The following FBN2 variants were observed in gnomAD, a reference collection of about 807,000 sequenced individuals.
The protein encoded by FBN2 is fibrillin-2.
FBN2 carries 105 observed loss-of-function variants against 355.6 expected under a neutral mutation model. The observed-to-expected ratio is 0.30, with a 90% confidence interval of 0.25 to 0.35. The LOEUF (loss-of-function observed/expected upper bound fraction) is 0.35, where lower values mean the gene tolerates loss of function less well. Among genes scored for constraint, FBN2 ranks in the 10% least tolerant of loss-of-function variants. The pLI is 1.00. For synonymous variants in FBN2, 1,350 were observed against 1,301.2 expected, an observed-to-expected ratio of 1.04 and a Z score of -0.81; for missense variants, 3,280 against 3,758.7, an observed-to-expected ratio of 0.87 and a Z score of 3.33.
intron 15 of FBN2, among the ~76,000 whole-genome samples, chr5:128,373,450 T>C (rs1315835977): frequency 2.0e-5 from 3 of 152,202 alleles, no homozygotes; most frequent in African/African-American, 7.2e-5. Context: ...GAACAGATTA[T>C]TTCCATCTGC....
At chr5:128,403,768 A>T (rs965046890) in intron 8 of FBN2, among the ~76,000 whole-genome samples, 1 of 151,986 alleles carries the variant, frequency 6.6e-6, no homozygotes, top group African/African-American at 2.4e-5. Context: ...TCCTGGATAT[A>T]TAAAAAGATG....
chr5:128,325,790 TTCTC>T (rs1750528396), intron 34 of FBN2, among the ~76,000 whole-genome samples: 1 of 152,132 alleles, frequency 6.6e-6, no homozygotes, highest in South Asian at 2.1e-4. Context: ...CTCAGGCCCT[TTCTC>T]TATGCTAGCA....
At chr5:128,287,828 G>A (rs1363260740) in intron 53 of FBN2, among the ~76,000 whole-genome samples, 1 of 152,130 alleles carries the variant, frequency 6.6e-6, no homozygotes, top group Non-Finnish European at 1.5e-5. Context: ...GAATCTTAGG[G>A]CAACCAAGTC....
rs146716752 is a variant in FBN2 at position 128,327,220 on chromosome 5, C to T, written c.4471+1476G>A. ...AATCTTGTGGGTCAACGTAGAAGCA[C>T]GAACGCTTTCAGTTTCCAACTTCAT... On this transcript the variant is annotated intron_variant, in intron 34 of 64. Coordinates refer to ENST00000262464, the MANE Select transcript of FBN2 (RefSeq NM_001999.4). Among the ~76,000 whole-genome samples the T allele has an allele frequency of 4.9e-4, 75 of 152,332 alleles. No individual in the cohort carries two copies. The East Asian group carries it at 0.014, about 28-fold the overall frequency.
chr5:128,326,580 T>G (rs930276378), intron 34 of FBN2, among the ~76,000 whole-genome samples: 3 of 152,214 alleles, frequency 2.0e-5, no homozygotes, highest in African/African-American at 7.2e-5. Flanking sequence ...CGGAGGATCA[T>G]GTATTTATAA....
chr5:128,336,672 G>A (rs1359184901), intron 27 of FBN2, among the ~76,000 whole-genome samples: 2 of 152,188 alleles, frequency 1.3e-5, no homozygotes, highest in Non-Finnish European at 2.9e-5. Flanking sequence ...ACTGTGTTAT[G>A]TTTTGTGTGT....
intron 14 of FBN2, 44 bp from the exon 15 acceptor site, chr5:128,374,794 T>C (rs760670512): frequency 6.8e-6 from 11 of 1,611,654 alleles, no homozygotes; most frequent in Non-Finnish European, 8.5e-6. Context: ...TGGGTAAATT[T>C]AACGTTATTA....
At chr5:128,537,228 G>C in intron 1 of FBN2, 122 bp downstream of exon 1, 4 of 1,459,106 alleles carry the variant, frequency 2.7e-6, no homozygotes, top group Non-Finnish European at 3.6e-6. Context: ...CTGGCAAAGG[G>C]GGCTGCAGCT....
At chr5:128,491,356 C>T (rs934404331) in intron 5 of FBN2, among the ~76,000 whole-genome samples, 2 of 152,154 alleles carry the variant, frequency 1.3e-5, no homozygotes, top group South Asian at 4.1e-4. Flanking sequence ...AAACTTTTCT[C>T]CAGGCAGTGA....
At chr5:128,281,849 C>G (rs924478835) in intron 55 of FBN2, among the ~76,000 whole-genome samples, 2 of 152,056 alleles carry the variant, frequency 1.3e-5, no homozygotes, top group Non-Finnish European at 2.9e-5. Context: ...CCACGCCCAG[C>G]TAATTTTTTT....
chr5:128,280,697 G>A (rs1046463702), intron 55 of FBN2, among the ~76,000 whole-genome samples: 2 of 152,044 alleles, frequency 1.3e-5, no homozygotes, highest in African/African-American at 4.8e-5. Context: ...GAGGGATGGT[G>A]GGTGTTGGGT....
chr5:128,466,191 T>G (rs1042642853), intron 5 of FBN2, among the ~76,000 whole-genome samples: 2 of 152,240 alleles, frequency 1.3e-5, no homozygotes, highest in South Asian at 2.1e-4. Context: ...TCAATTATTC[T>G]CATTTGCTAT....
intron 5 of FBN2, 144 bp from the exon 6 acceptor site, chr5:128,465,065 T>C: frequency 1.2e-6 from 1 of 825,736 alleles, no homozygotes; most frequent in Middle Eastern, 2.5e-4. Context: ...ATGTTAAAAA[T>C]TCATAATTTT....
At chr5:128,302,901 GT>G in intron 46 of FBN2, 71 bp downstream of exon 46, 3 of 907,770 alleles carry the variant, frequency 3.3e-6, no homozygotes, top group Non-Finnish European at 5.5e-6. Flanking sequence ...TTGTTCTTTA[GT>G]TTTGTTTTTT....
chr5:128,392,023 C>A lies in FBN2; in HGVS notation c.1598G>T (p.Cys533Phe). Residue 533 changes from cysteine (C) to phenylalanine (F), a missense_variant, in exon 11 of 65, where the codon TGT (cysteine) becomes TTT (phenylalanine). Around this residue, in one of 6 missense-constraint regions of FBN2, gnomAD observed 2,284 missense variants for 2,749.5 expected, o/e 0.83. Transcript: ENST00000262464. ...MGYKQDANGD[C>F]IDVDECTSNP... ...TTAAAGAATCACAAACTTACCTATA[C>A]AATCTCCATTTGCATCCTGCTTATA... 6.2e-7 allele frequency: 1 copy of A among 1,613,622 alleles called. No homozygotes were observed. Among genetic ancestry groups the A allele is most frequent in the Non-Finnish European group, 8.5e-7 (1 of 1,179,644 alleles).
At chr5:128,535,237 G>C (rs558181106) in intron 2 of FBN2, among the ~76,000 whole-genome samples, 3 of 152,310 alleles carry the variant, frequency 2.0e-5, no homozygotes, top group South Asian at 2.1e-4. Flanking sequence ...GAAAAAATAA[G>C]AAGAAATTAG....
At chr5:128,490,163 G>GA (rs1225596081) in intron 5 of FBN2, among the ~76,000 whole-genome samples, 1 of 152,030 alleles carries the variant, frequency 6.6e-6, no homozygotes, top group Non-Finnish European at 1.5e-5. Flanking sequence ...CTTATAATCA[G>GA]AAAAAACATA....
At chr5:128,503,734 A>G (rs1219942871) in intron 5 of FBN2, among the ~76,000 whole-genome samples, 2 of 152,194 alleles carry the variant, frequency 1.3e-5, no homozygotes, top group Non-Finnish European at 2.9e-5. Flanking sequence ...TTGCAGCCTG[A>G]CAATGTGATA....
At chr5:128,401,498 G>A (rs981842357) in intron 8 of FBN2, among the ~76,000 whole-genome samples, 2 of 152,022 alleles carry the variant, frequency 1.3e-5, no homozygotes, top group Admixed American at 1.3e-4. Flanking sequence ...AAAATTAATA[G>A]CTGGCTGGGC....
Sources: allele counts gnomAD v4.1 joint callset (sites outside exome capture counted in the v4.1 genomes callset), GRCh38; gene constraint gnomAD v4.1.1; regional missense constraint gnomAD v4.1.1; transcripts MANE v1.5; gene names NCBI Gene and HGNC (gene_info 2026-07-23, HGNC 2026-07-21).